Variants in HNF4G observed in about 807,000 individuals in gnomAD.
The protein encoded by HNF4G is hepatocyte nuclear factor 4-gamma.
HNF4G carries 21 observed loss-of-function variants against 50.9 expected under a neutral mutation model. The ratio of observed to expected loss-of-function variants is 0.41; its 90% CI spans 0.29 to 0.59. The LOEUF is 0.59. Among genes scored for constraint, HNF4G ranks in the 20% least tolerant of loss-of-function variants. The pLI is 0.26. For synonymous variants in HNF4G, 198 were observed against 185.6 expected (o/e 1.07, Z -0.54); for missense variants, 527 against 559.4 (o/e 0.94, Z 0.58).
intron 9 of HNF4G, 37 bp from the exon 10 acceptor site, chr8:75,563,938 T>C: frequency 6.2e-7 from 1 of 1,609,856 alleles, no homozygotes; most frequent in Non-Finnish European, 8.5e-7. Context: ...GAAGACTGAC[T>C]GCCACCATTA....
intron 2 of HNF4G, among the ~76,000 whole-genome samples, chr8:75,513,292 C>T (rs1374686642): frequency 1.3e-5 from 2 of 152,156 alleles, no homozygotes; most frequent in Non-Finnish European, 2.9e-5. Context: ...CCTGCCTCAG[C>T]CTCCCAAAGT....
At chr8:75,416,949 T>A (rs751173475) in intron 1 of HNF4G, among the ~76,000 whole-genome samples, 2 of 152,344 alleles carry the variant, frequency 1.3e-5, no homozygotes, top group South Asian at 4.1e-4. Flanking sequence ...ATAAATAAGA[T>A]GACATTTAAA....
chr8:75,558,904 G>A lies in HNF4G; in HGVS notation c.990G>A (p.Gly330=). Residue 330 remains glycine (G), a synonymous_variant, in exon 8 of 10, where the codon GGG becomes GGA. Transcript: ENST00000396423. The stretch of plus-strand genomic sequence containing the variant: ...ATGATCGGCAGTATGACTCCCGGGG[G>A]AGGTTTGGAGAGTTGCTTCTGCTCC... ...YINDRQYDSR[G]RFGELLLLLP... is the part of the protein sequence containing the mutation. 1.9e-6 allele frequency: 3 copies of A among 1,613,978 alleles called. No individual in the cohort carries two copies. The highest frequency in any genetic ancestry group is 8.5e-7 in the Non-Finnish European group (1 of 1,179,914).
intron 2 of HNF4G, among the ~76,000 whole-genome samples, chr8:75,510,171 A>C (rs1366161908): frequency 6.6e-6 from 1 of 152,088 alleles, no homozygotes; most frequent in Non-Finnish European, 1.5e-5. Flanking sequence ...ATTTTAACAA[A>C]AGTTTAAAAA....
rs913813210 is a variant in HNF4G, at chr8:75,426,913, T to A, written c.-144+18751T>A. On this transcript the variant is annotated intron_variant, in intron 1 of 10. Transcript: ENST00000354370. ...TCCATTTTCAGGCCTGGGATCATGA[T>A]GGGGTTAGGGATAAATACAATGATT... 2.0e-5 allele frequency among the ~76,000 whole-genome samples: 3 copies of A among 152,254 alleles called. No homozygotes were observed. The East Asian group carries it at 5.8e-4, about 29-fold the overall frequency.
chr8:75,475,976 A>G (rs1812229668), intron 1 of HNF4G, among the ~76,000 whole-genome samples: 2 of 152,150 alleles, frequency 1.3e-5, no homozygotes, highest in South Asian at 2.1e-4. Context: ...TGGGGCGTAC[A>G]CATGCAGGTT....
At chr8:75,488,500 A>T (rs768284241) in intron 1 of HNF4G, among the ~76,000 whole-genome samples, 2 of 151,798 alleles carry the variant, frequency 1.3e-5, no homozygotes, top group African/African-American at 2.4e-5. Context: ...TTGGTCTTGA[A>T]CTTCTGACCT....
chr8:75,455,465 T>C (rs780109881), intron 1 of HNF4G, among the ~76,000 whole-genome samples: 1 of 152,152 alleles, frequency 6.6e-6, no homozygotes, highest in Non-Finnish European at 1.5e-5. Flanking sequence ...TGGTGAGTAA[T>C]GTTTAGGTAC....
chr8:75,524,604 T>C (rs1035155806), intron 2 of HNF4G, among the ~76,000 whole-genome samples: 6 of 152,314 alleles, frequency 3.9e-5, no homozygotes, highest in Admixed American at 6.5e-5. Flanking sequence ...ATAGCCTGTA[T>C]ACAGTACACA....
At chr8:75,448,302 A>AG (rs1435133614) in intron 1 of HNF4G, among the ~76,000 whole-genome samples, 1 of 85,980 alleles carries the variant, frequency 1.2e-5, no homozygotes, top group South Asian at 4.8e-4. Context: ...GGGAGGGGGG[A>AG]GGGATATCAT....
At chr8:75,438,322 A>G (rs1296140774) in intron 1 of HNF4G, among the ~76,000 whole-genome samples, 1 of 152,168 alleles carries the variant, frequency 6.6e-6, no homozygotes, top group Non-Finnish European at 1.5e-5. Flanking sequence ...ATAACTATAA[A>G]ACATTTATTC....
At chr8:75,491,373 T>A (rs1427062495) in intron 2 of HNF4G, among the ~76,000 whole-genome samples, 1 of 152,162 alleles carries the variant, frequency 6.6e-6, no homozygotes, top group Non-Finnish European at 1.5e-5. Flanking sequence ...AGTGAGTAAT[T>A]ATACACTAAA....
chr8:75,472,001 A>T (rs1812125075), intron 1 of HNF4G, among the ~76,000 whole-genome samples: 1 of 152,192 alleles, frequency 6.6e-6, no homozygotes, highest in African/African-American at 2.4e-5. Context: ...AATGGGTATA[A>T]CAATACCTGT....
chr8:75,562,837 C>A (rs1468497720), intron 9 of HNF4G, among the ~76,000 whole-genome samples: 1 of 152,032 alleles, frequency 6.6e-6, no homozygotes, highest in East Asian at 1.9e-4. Flanking sequence ...TTAAACACAA[C>A]CAAAATTTAA....
intron 1 of HNF4G, chr8:75,485,711 C>T (rs1301938120): frequency 6.6e-6 from 1 of 152,170 alleles, no homozygotes; most frequent in Non-Finnish European, 1.5e-5. Flanking sequence ...CTCAAACTCA[C>T]CAAAGTAAAA....
intron 1 of HNF4G, among the ~76,000 whole-genome samples, chr8:75,482,200 A>C (rs1812396018): frequency 6.6e-6 from 1 of 152,196 alleles, no homozygotes; most frequent in Non-Finnish European, 1.5e-5. Context: ...GAGATTAAGG[A>C]ATATTTCACA....
intron 1 of HNF4G, among the ~76,000 whole-genome samples, chr8:75,483,735 T>C (rs1029111879): frequency 6.6e-6 from 1 of 152,222 alleles, no homozygotes; most frequent in African/African-American, 2.4e-5. Flanking sequence ...AAATAGGATG[T>C]ATATAATACT....
chr8:75,442,311 AC>A (rs1416652742), intron 1 of HNF4G, among the ~76,000 whole-genome samples: 3 of 151,908 alleles, frequency 2.0e-5, no homozygotes, highest in Admixed American at 6.6e-5. Flanking sequence ...TTGTTATTAA[AC>A]TGAACACATA....
At chr8:75,444,971 T>C (rs1384240259) in intron 1 of HNF4G, among the ~76,000 whole-genome samples, 2 of 146,938 alleles carry the variant, frequency 1.4e-5, no homozygotes, top group African/African-American at 2.6e-5. Context: ...ATCAACAGAA[T>C]ATACATTTTT....
Sources: allele counts gnomAD v4.1 joint callset (sites outside exome capture counted in the v4.1 genomes callset), GRCh38; gene constraint gnomAD v4.1.1; transcripts MANE v1.5; gene names NCBI Gene and HGNC (gene_info 2026-07-23, HGNC 2026-07-21).